PRR12: variants seen among roughly 807,000 people sequenced by gnomAD.
PRR12 encodes the protein proline rich 12, also known as proline-rich protein 12.
PRR12 carries 12 observed loss-of-function variants against 138.0 expected under a neutral mutation model. That is an observed-to-expected ratio of 0.09 (90% CI 0.06 to 0.14). PRR12 has a LOEUF of 0.14. Among genes scored for constraint, PRR12 ranks in the 10% least tolerant of loss-of-function variants. The pLI, the probability that PRR12 is intolerant of heterozygous loss-of-function variation, is 1.00. For synonymous variants in PRR12, 1,567 were observed against 1,291.7 expected (o/e 1.21, Z -4.57); for missense variants, 2,692 against 2,861.3 (o/e 0.94, Z 1.35).
intron 9 of PRR12, 26 bp from the exon 10 acceptor site, chr19:49,620,326 G>A (rs1250746773): frequency 2.5e-6 from 4 of 1,611,976 alleles, no homozygotes; most frequent in Middle Eastern, 1.7e-4. Flanking sequence ...TTGGGATAAC[G>A]AGCCTGCGTC....
At chr19:49,605,827 A>G (rs576289033) in intron 6 of PRR12, among the ~76,000 whole-genome samples, 2 of 152,404 alleles carry the variant, frequency 1.3e-5, no homozygotes, top group African/African-American at 4.8e-5. Context: ...TCAGATGCTT[A>G]AAATACAACT....
At chr19:49,613,352 AT>A (rs1456101824) in intron 6 of PRR12, among the ~76,000 whole-genome samples, 2 of 149,476 alleles carry the variant, frequency 1.3e-5, no homozygotes, top group African/African-American at 5.0e-5. Flanking sequence ...AAAAAAAAAA[AT>A]CTGAGGCCCC....
intron 11 of PRR12, among the ~76,000 whole-genome samples, chr19:49,622,950 G>A (rs895552905): frequency 8.6e-6 from 1 of 116,558 alleles, no homozygotes; most frequent in Non-Finnish European, 1.7e-5. Context: ...GAGAGAGAGA[G>A]AGAGAGAAAG....
rs780642506 is a variant in PRR12 at position 49,595,577 on chromosome 19, C to T, written c.1242C>T (p.Thr414=). Residue 414 remains threonine, a synonymous_variant, in exon 4 of 14, where the codon ACC becomes ACT. Transcript: ENST00000418929. ...CCCCCCCACCCCGTTCGACCGCCAC[C>T]CCCAAATGTCAGAGCCTGGGTGGGC... ...TRPPPPRSTA[T]PKCQSLGGPA... is the part of the protein sequence containing the mutation. 4 of 1,603,548 alleles carry T rather than the reference C, an allele frequency of 2.5e-6. No individual in the cohort carries two copies. The highest frequency in any genetic ancestry group is 2.6e-6 in the Non-Finnish European group (3 of 1,176,270).
rs1432963641 is a variant in PRR12 at position 49,595,495 on chromosome 19, C to T, written c.1160C>T (p.Pro387Leu). ...GGGYRPIIQS[P>L]GYKTGKGGYG... The stretch of plus-strand genomic sequence containing the variant: ...GGTTACCGCCCCATCATTCAGTCGC[C>T]TGGGTACAAGACGGGCAAAGGTGGT... The change falls in exon 4 of 14, where the codon CCT becomes CTT. Residue 387 changes from proline to leucine, a missense_variant. By Grantham distance (98) the Pro-to-Leu change is moderately conservative (BLOSUM62 -3). Around this residue, in one of 11 missense-constraint regions of PRR12, gnomAD observed 523 missense variants for 496.4 expected, o/e 1.05. Coordinates refer to ENST00000418929, the MANE Select transcript of PRR12 (RefSeq NM_020719.3). The T allele has an allele frequency of 6.4e-7, 1 of 1,557,748 alleles. No individual in the cohort carries two copies. The highest frequency in any genetic ancestry group is 2.4e-5 in the East Asian group (1 of 41,662).
Position 49,591,540 on chromosome 19 carries a change from A to C in PRR12, c.-115A>C, listed in dbSNP as rs551627230. On this transcript the variant is annotated 5_prime_UTR_variant, in exon 1 of 14. Transcript: ENST00000418929. ...GCTGCAAAGAAAAAAAGAGAGAGAG[A>C]AAAGGGGGGAAAAAAAAGCAGCAGC... The C allele has an allele frequency of 1.5e-3, 662 of 456,280 alleles. 8 individuals are homozygous for C. In the African/African-American group the frequency reaches 0.015, roughly 10 times the overall value. 28.3% of individuals were successfully genotyped at this position (456,280 alleles called of 1,614,324 possible).
chr19:49,625,706 A>C lies in PRR12; in HGVS notation c.*99A>C. Reference sequence around the variant, plus strand: ...TAACACCTGGGCTCCATCGCCGGGGAAAGGGGGTCATGGGTCAGGGTGTGT... The same window carrying C: ...TAACACCTGGGCTCCATCGCCGGGGCAAGGGGGTCATGGGTCAGGGTGTGT... On this transcript the variant is annotated 3_prime_UTR_variant, in exon 14 of 14. Coordinates refer to ENST00000418929, the MANE Select transcript of PRR12 (RefSeq NM_020719.3). This position sits in a 1 kb window ranked among gnomAD's most constrained non-coding sequence, Gnocchi z 5.5. 1 of 1,439,484 alleles carries C rather than the reference A, an allele frequency of 6.9e-7. No individual in the cohort carries two copies. The highest frequency in any genetic ancestry group is 9.2e-7 in the Non-Finnish European group (1 of 1,088,716). The allele number at this position is 1,439,484 out of a possible 1,614,324, so 89.2% of individuals were successfully genotyped here.
chr19:49,611,379 G>A (rs1217922191), intron 6 of PRR12, among the ~76,000 whole-genome samples: 5 of 151,770 alleles, frequency 3.3e-5, no homozygotes, highest in Admixed American at 6.6e-5. Flanking sequence ...GCTCACGCTT[G>A]TAATCTCAGC....
In PRR12 at chr19:49,596,402, G is replaced by A; in HGVS notation, c.2067G>A (p.Glu689=). The A allele has an allele frequency of 3.1e-6, 5 of 1,607,106 alleles. No homozygotes were observed. The South Asian group carries it at 4.4e-5, about 14-fold the overall frequency. ...GAGGPPGTPY[E]LAKEDPQRYH... is the part of the protein sequence containing the mutation. ...GGGGACCACCGGGTACACCCTACGA[G>A]TTGGCCAAGGAAGACCCCCAGAGGT... The change falls in exon 4 of 14, where the codon GAG becomes GAA. Residue 689 remains glutamate (E), a synonymous_variant. Coordinates refer to ENST00000418929, the MANE Select transcript of PRR12 (RefSeq NM_020719.3). The surrounding 1 kb of genome is among the most constrained non-coding windows in gnomAD (Gnocchi z 5.6).
chr19:49,599,528 GTGTGCCACCCTC>G lies in PRR12; in HGVS notation c.3943_3954del (p.Pro1315_Pro1318del), dbSNP rs2122309458. On this transcript the variant is annotated inframe_deletion, in exon 5 of 14. Transcript: ENST00000418929. The surrounding 1 kb of genome is among the most constrained non-coding windows in gnomAD (Gnocchi z 5.0). The stretch of plus-strand genomic sequence containing the variant: ...ACGCCTCCGCTCAGCCCTCCCAAGA[GTGTGCCACCCTC>G]TGTGCCAGCCCGAGGCCTGCAGCCC... 6.3e-7 allele frequency: 1 copy of G among 1,597,612 alleles called. No individual in the cohort carries two copies. The highest frequency in any genetic ancestry group is 8.5e-7 in the Non-Finnish European group (1 of 1,172,720).
rs2080786631 is a variant in PRR12 at position 49,597,998 on chromosome 19, C to T, written c.3663C>T (p.Pro1221=). The stretch of plus-strand genomic sequence containing the variant: ...AGGCAGGGGGCACCCGGTTGGAGCC[C>T]CTGAAGCCACTTAAGGTGAGGGGAA... ...AEEAGGTRLE[P]LKPLKIKLSV... Residue 1221 remains proline, a synonymous_variant, in exon 4 of 14, where the codon CCC becomes CCT. Transcript: ENST00000418929. This position sits in a 1 kb window ranked among gnomAD's most constrained non-coding sequence, Gnocchi z 6.3. 1 of 1,386,238 alleles carries T rather than the reference C, an allele frequency of 7.2e-7. No homozygotes were observed. The highest frequency in any genetic ancestry group is 9.3e-7 in the Non-Finnish European group (1 of 1,072,726). The allele number at this position is 1,386,238 out of a possible 1,614,324, so 85.9% of individuals were successfully genotyped here. A position where few individuals can be genotyped will look rare whatever the true frequency, so the allele number is the denominator to read the frequency against.
chr19:49,597,880 C>G lies in PRR12; in HGVS notation c.3545C>G (p.Pro1182Arg). The G allele has an allele frequency of 1.4e-6, 2 of 1,444,584 alleles. No individual in the cohort carries two copies. Among genetic ancestry groups the G allele is most frequent in the East Asian group, 2.5e-5 (1 of 39,424 alleles). The allele number at this position is 1,444,584 out of a possible 1,614,324, so 89.5% of individuals were successfully genotyped here. The change falls in exon 4 of 14, where the codon CCG (proline) becomes CGG (arginine). Residue 1182 changes from proline to arginine, a missense_variant. Transcript: ENST00000418929. The surrounding 1 kb of genome is among the most constrained non-coding windows in gnomAD (Gnocchi z 6.3). ...GRPRIRPLEV[P>R]TTAGPASAST... is the part of the protein sequence containing the mutation. ...CCCCGGATCCGCCCCCTGGAGGTCC[C>G]GACCACTGCGGGGCCCGCCTCGGCC...
rs957533425 is a variant in PRR12, at chr19:49,591,388, C to G, written c.-267C>G. Among the ~76,000 whole-genome samples, 6 of 149,336 alleles carry G rather than the reference C, an allele frequency of 4.0e-5. No individual in the cohort carries two copies. The highest frequency in any genetic ancestry group is 1.5e-4 in the African/African-American group (6 of 40,540). On this transcript the variant is annotated 5_prime_UTR_variant, in exon 1 of 14. Coordinates refer to ENST00000418929, the MANE Select transcript of PRR12 (RefSeq NM_020719.3). ...GGAGACAGCGGGGTCCCTCCTCCCC[C>G]CTTCCCTCCTCTAGGGGGAACCCCC...
rs538075849 is a variant in PRR12 at position 49,591,527 on chromosome 19, AAAAG to A, written c.-126_-123del. The A allele has an allele frequency of 1.3e-3, 708 of 550,118 alleles. 9 individuals are homozygous for A. In the African/African-American group the frequency reaches 0.014, roughly 11 times the overall value. The allele number at this position is 550,118 out of a possible 1,614,324, so 34.1% of individuals were successfully genotyped here. ...CGGGCCTTCGGCGGCTGCAAAGAAAAAAAGAGAGAGAGAAAAGGGGGGAAAAAAA... is the reference window on the plus strand; with the variant it reads ...CGGGCCTTCGGCGGCTGCAAAGAAAAAGAGAGAGAAAAGGGGGGAAAAAAA... On this transcript the variant is annotated 5_prime_UTR_variant, in exon 1 of 14. Transcript: ENST00000418929.
Position 49,594,725 on chromosome 19 carries a change from C to T in PRR12, c.390C>T (p.Leu130=). The change falls in exon 4 of 14, where the codon CTC becomes CTT. Residue 130 remains leucine (L), a synonymous_variant. Transcript: ENST00000418929. This position sits in a 1 kb window ranked among gnomAD's most constrained non-coding sequence, Gnocchi z 5.6. ...TGCACACGCCAGGCCCCACGGAGCT[C>T]TTCATCTCGGGTGCCCTGCCGGGTT... is the stretch of plus-strand genomic sequence containing the variant. ...TAMHTPGPTE[L]FISGALPGSS... The T allele has an allele frequency of 7.4e-6, 12 of 1,613,262 alleles. No homozygotes were observed. Among genetic ancestry groups the T allele is most frequent in the Non-Finnish European group, 1.0e-5 (12 of 1,179,806 alleles).
Position 49,625,079 on chromosome 19 carries a change from G to T in PRR12, c.5869-26G>T, listed in dbSNP as rs751997523. 34 of 1,612,354 alleles carry T rather than the reference G, an allele frequency of 2.1e-5. No homozygotes were observed. The South Asian group carries it at 3.5e-4, about 17-fold the overall frequency. The stretch of plus-strand genomic sequence containing the variant: ...GGCTGCCAAGTGCCGGGCTGGAGGG[G>T]CTGAGGCATCTCCACTCCTACCCAG... On this transcript the variant is annotated intron_variant, in intron 12 of 13. Transcript: ENST00000418929. This position sits in a 1 kb window ranked among gnomAD's most constrained non-coding sequence, Gnocchi z 5.5.
intron 6 of PRR12, among the ~76,000 whole-genome samples, chr19:49,605,949 C>T (rs561921937): frequency 1.6e-4 from 24 of 152,334 alleles, no homozygotes; most frequent in African/African-American, 5.3e-4. Context: ...AGTTAAGAGC[C>T]CAGCTTTGGT....
intron 1 of PRR12, among the ~76,000 whole-genome samples, chr19:49,592,912 G>A (rs1487270028): frequency 6.6e-6 from 1 of 152,082 alleles, no homozygotes; most frequent in East Asian, 1.9e-4. Context: ...CTACGGAAGA[G>A]GAGGCGTCCA....
intron 9 of PRR12, among the ~76,000 whole-genome samples, chr19:49,617,917 G>A (rs755608640): frequency 1.1e-4 from 16 of 151,996 alleles, no homozygotes; most frequent in Non-Finnish European, 1.8e-4. Context: ...GGTCAACATG[G>A]AGAAACCCCG....
Sources: gnomAD v4.1 joint callset for allele counts (sites outside exome capture counted in the v4.1 genomes callset) on GRCh38, gnomAD v4.1.1 for gene constraint, gnomAD v4.1.1 regional missense constraint, Gnocchi (gnomAD v3.1) non-coding constraint, MANE v1.5 for transcripts, NCBI Gene and HGNC (gene_info 2026-07-23, HGNC 2026-07-21) for gene names.